ACSBG1: variants seen among roughly 807,000 people sequenced by gnomAD.
ACSBG1 encodes long-chain-fatty-acid--CoA ligase ACSBG1.
A neutral mutation model predicts 80.2 loss-of-function variants in ACSBG1; 39 were observed. The ratio of observed to expected loss-of-function variants is 0.49; its 90% confidence interval spans 0.38 to 0.64. The LOEUF is 0.64. Ranked by LOEUF, ACSBG1 falls within the 30% of genes least tolerant of loss-of-function variation. The pLI is 0.00. For missense variants in ACSBG1, 828 were observed against 966.4 expected (o/e 0.86, Z 1.90); for synonymous variants, 392 against 379.5 (o/e 1.03, Z -0.38).
At chr15:78,230,317 C>A (rs1048662928) in intron 1 of ACSBG1, among the ~76,000 whole-genome samples, 8 of 152,240 alleles carry the variant, frequency 5.3e-5, no homozygotes, top group African/African-American at 1.9e-4. Flanking sequence ...AGCCCTGCAA[C>A]TTGTGTGGCA....
At chr15:78,229,185 CTTGT>C (rs1479439954) in intron 1 of ACSBG1, among the ~76,000 whole-genome samples, 2 of 151,886 alleles carry the variant, frequency 1.3e-5, no homozygotes, top group Admixed American at 6.6e-5. Context: ...AAGGTAGAGA[CTTGT>C]TTTTGTTTTG....
Position 78,174,419 on chromosome 15 carries a change from T to C in ACSBG1, c.1808A>G (p.Gln603Arg). The C allele has an allele frequency of 6.2e-7, 1 of 1,614,170 alleles. No homozygotes were observed. The highest frequency in any genetic ancestry group is 8.5e-7 in the Non-Finnish European group (1 of 1,180,024). ...GAGCAGCATGGACAGGAACTTCCTC[T>C]GGTCCCCAATGAGCATGGCGTTGCT... is the stretch of plus-strand genomic sequence containing the variant. Reference protein sequence around the residue: ...IISNAMLIGDQRKFLSMLLTL... With the variant: ...IISNAMLIGDRRKFLSMLLTL... The change falls in exon 12 of 14, where the codon CAG becomes CGG. Residue 603 changes from glutamine (Q) to arginine (R), a missense_variant. This residue lies in a region of ACSBG1 where 201 missense variants were observed against 227.0 expected (regional missense o/e 0.89). Coordinates refer to ENST00000258873, the MANE Select transcript of ACSBG1 (RefSeq NM_015162.5).
Position 78,215,746 on chromosome 15 carries a change from GAAAGA to G in ACSBG1, c.132-7649_132-7645del, listed in dbSNP as rs1197617138. Reference sequence around the variant, plus strand: ...AAAGAGAAAGAAAGAAAGAAAGAAAGAAAGAAAGAAAGAAAGAAAGAAAGAAAGAA... The same window carrying G: ...AAAGAGAAAGAAAGAAAGAAAGAAAGAAGAAAGAAAGAAAGAAAGAAAGAA... On this transcript the variant is annotated intron_variant, in intron 1 of 13. Coordinates refer to ENST00000258873, the MANE Select transcript of ACSBG1 (RefSeq NM_015162.5). Among the ~76,000 whole-genome samples the G allele has an allele frequency of 2.2e-3, 318 of 145,308 alleles. 3 individuals are homozygous for G. Among genetic ancestry groups the G allele is most frequent in the South Asian group, 4.9e-3 (22 of 4,476 alleles).
chr15:78,227,124 C>T (rs1395020541), intron 1 of ACSBG1, among the ~76,000 whole-genome samples: 2 of 147,200 alleles, frequency 1.4e-5, no homozygotes, highest in Non-Finnish European at 3.0e-5. Context: ...AAGGCTGAGC[C>T]ACGAGAATTG....
chr15:78,204,922 G>T (rs559339066), intron 2 of ACSBG1, among the ~76,000 whole-genome samples: 1 of 152,178 alleles, frequency 6.6e-6, no homozygotes, highest in Non-Finnish European at 1.5e-5. Flanking sequence ...CCCACAAAGG[G>T]CTTCACTGGA....
At chr15:78,173,167 G>A (rs2074843599) in intron 13 of ACSBG1, among the ~76,000 whole-genome samples, 1 of 151,956 alleles carries the variant, frequency 6.6e-6, no homozygotes, top group Admixed American at 6.6e-5. Flanking sequence ...CCAACATGGA[G>A]AAACCATGTC....
chr15:78,185,808 C>T (rs376830111), intron 5 of ACSBG1, among the ~76,000 whole-genome samples: 8 of 151,426 alleles, frequency 5.3e-5, no homozygotes, highest in East Asian at 1.9e-4. Flanking sequence ...ATATCGTAGA[C>T]GTCTTGTTAG....
intron 9 of ACSBG1, 34 bp from the exon 10 acceptor site, chr15:78,179,814 A>AAC (rs778260371): frequency 8.5e-7 from 1 of 1,172,926 alleles, no homozygotes; most frequent in South Asian, 1.3e-5. Flanking sequence ...CACAGAAGAA[A>AAC]TCACACACAC....
rs181754206 is a variant in ACSBG1 at position 78,205,256 on chromosome 15, G to T, written c.232+2746C>A. ...CCTGACTTCGCACAGCTGCTTCCTG[G>T]GAGTACAGCCATCTGGAGAGCTCAG... On this transcript the variant is annotated intron_variant, in intron 2 of 13. Coordinates refer to ENST00000258873, the MANE Select transcript of ACSBG1 (RefSeq NM_015162.5). 5.8e-4 allele frequency among the ~76,000 whole-genome samples: 88 copies of T among 152,210 alleles called. 1 individual carries two copies. Among genetic ancestry groups the T allele is most frequent in the Middle Eastern group, 6.8e-3 (2 of 294 alleles).
chr15:78,171,110 C>T lies in ACSBG1; in HGVS notation c.*334G>A. ...CGCTCCACAGCCTACTGCTGGCTGTCCTGTATGTGAGCTAGCAGCTTTTTA... is the reference window on the plus strand; with the variant it reads ...CGCTCCACAGCCTACTGCTGGCTGTTCTGTATGTGAGCTAGCAGCTTTTTA... On this transcript the variant is annotated 3_prime_UTR_variant, in exon 14 of 14. Coordinates refer to ENST00000258873, the MANE Select transcript of ACSBG1 (RefSeq NM_015162.5). 5.0e-6 allele frequency: 1 copy of T among 201,398 alleles called. No individual in the cohort carries two copies. Among genetic ancestry groups the T allele is most frequent in the Non-Finnish European group, 1.0e-5 (1 of 98,136 alleles). The allele number at this position is 201,398 out of a possible 1,614,324, so 12.5% of individuals were successfully genotyped here. A position where few individuals can be genotyped will look rare whatever the true frequency, so the allele number is the denominator to read the frequency against.
chr15:78,220,133 C>G (rs1444573672), intron 1 of ACSBG1, among the ~76,000 whole-genome samples: 1 of 152,152 alleles, frequency 6.6e-6, no homozygotes, highest in African/African-American at 2.4e-5. Context: ...GGCATAAGGA[C>G]AGATATATAG....
At chr15:78,173,440 A>G (rs1355403645) in intron 13 of ACSBG1, among the ~76,000 whole-genome samples, 153 bp downstream of exon 13, 3 of 151,764 alleles carry the variant, frequency 2.0e-5, no homozygotes, top group Non-Finnish European at 4.4e-5. Context: ...TGGAGCCATC[A>G]ATGTCCTCTA....
Position 78,203,503 on chromosome 15 carries a change from T to TCTCTGCCGCCTCCCTCTCC in ACSBG1, c.232+4480_232+4498dup, listed in dbSNP as rs557082023. Among the ~76,000 whole-genome samples, 167 of 152,346 alleles carry TCTCTGCCGCCTCCCTCTCC rather than the reference T, an allele frequency of 1.1e-3. 2 individuals carry two copies. The highest frequency in any genetic ancestry group is 3.8e-3 in the African/African-American group (157 of 41,568). ...AGGCTTTCCCAGGCAAGGTTGGCAC[T>TCTCTGCCGCCTCCCTCTCC]CTCTGCCGCCTCCCTCTCCCTCTGC... On this transcript the variant is annotated intron_variant, in intron 2 of 13. Coordinates refer to ENST00000258873, the MANE Select transcript of ACSBG1 (RefSeq NM_015162.5).
chr15:78,179,888 C>T, intron 9 of ACSBG1, 108 bp from the exon 10 acceptor site: 1 of 921,316 alleles, frequency 1.1e-6, no homozygotes, highest in Admixed American at 2.4e-5. Flanking sequence ...GTGAGAACAC[C>T]CTGGCTCGGC....
In ACSBG1 at chr15:78,177,561, C is replaced by T. The variant is rs1407636099; in HGVS notation, c.1702+1053G>A. ...GGCCATTACAAAGAGGCACACTAGG[C>T]GGCGCCCATGGCACATCCAAGCAGT... On this transcript the variant is annotated intron_variant, in intron 11 of 13. Transcript: ENST00000258873. The surrounding 1 kb of genome is among the most constrained non-coding windows in gnomAD (Gnocchi z 4.1). 2.0e-5 allele frequency among the ~76,000 whole-genome samples: 3 copies of T among 152,106 alleles called. No homozygotes were observed. The highest frequency in any genetic ancestry group is 4.8e-5 in the African/African-American group (2 of 41,396).
chr15:78,211,053 C>T (rs888635021), intron 1 of ACSBG1, among the ~76,000 whole-genome samples: 13 of 152,160 alleles, frequency 8.5e-5, no homozygotes, highest in Non-Finnish European at 1.2e-4. Context: ...CAGCCAAGCT[C>T]GTTAGAACTT....
At chr15:78,202,082 G>A (rs1222496049) in intron 2 of ACSBG1, among the ~76,000 whole-genome samples, 5 of 152,294 alleles carry the variant, frequency 3.3e-5, no homozygotes, top group South Asian at 2.1e-4. Context: ...AGCAGGTGGC[G>A]GCAGTAGGGC....
chr15:78,194,217 C>A (rs28706083), intron 3 of ACSBG1, among the ~76,000 whole-genome samples, 197 bp from the exon 4 acceptor site: 2 of 152,212 alleles, frequency 1.3e-5, no homozygotes, highest in African/African-American at 2.4e-5. Flanking sequence ...GCCTTCCCAG[C>A]GAGTCTGTCC....
At chr15:78,199,006 C>T (rs1457577822) in intron 2 of ACSBG1, among the ~76,000 whole-genome samples, 1 of 152,172 alleles carries the variant, frequency 6.6e-6, no homozygotes, top group African/African-American at 2.4e-5. Context: ...AATGAGCTCC[C>T]TCTCATTTTC....
Sources: gnomAD v4.1 joint callset for allele counts (sites outside exome capture counted in the v4.1 genomes callset) on GRCh38, gnomAD v4.1.1 for gene constraint, gnomAD v4.1.1 regional missense constraint, Gnocchi (gnomAD v3.1) non-coding constraint, MANE v1.5 for transcripts, NCBI Gene and HGNC (gene_info 2026-07-23, HGNC 2026-07-21) for gene names.